The following UBAP1 variants were observed in gnomAD, a reference collection of about 807,000 sequenced individuals.
The protein encoded by UBAP1 is ubiquitin-associated protein 1.
A neutral mutation model predicts 39.0 loss-of-function variants in UBAP1; 5 were observed. The ratio of observed to expected loss-of-function variants is 0.13; its 90% confidence interval spans 0.07 to 0.27. UBAP1 has a LOEUF of 0.27. Ranked by LOEUF, UBAP1 falls within the 10% of genes least tolerant of loss-of-function variation. The pLI is 1.00. For missense variants in UBAP1, 490 were observed against 608.1 expected, an observed-to-expected ratio of 0.81 and a Z score of 2.04; for synonymous variants, 211 against 225.1, an observed-to-expected ratio of 0.94 and a Z score of 0.56.
chr9:34,241,939 C>A lies in UBAP1; in HGVS notation c.914C>A (p.Ser305Tyr). The change falls in exon 4 of 7, where the codon TCC becomes TAC. Residue 305 changes from serine (S) to tyrosine (Y), a missense_variant. Ser to Tyr is a moderately radical substitution (Grantham distance 144, BLOSUM62 -2). Around this residue, in one of 3 missense-constraint regions of UBAP1, gnomAD observed 339 missense variants for 390.0 expected, o/e 0.87. Transcript: ENST00000297661. ...NGTFQNSLKP[S>Y]TQSSASELNG... is the part of the protein sequence containing the mutation. ...ACGTTCCAGAATTCCCTAAAGCCTT[C>A]CACCCAAAGCAGTGCCAGTGAGCTC... 1 of 1,614,188 alleles carries A rather than the reference C, an allele frequency of 6.2e-7. No homozygotes were observed. The highest frequency in any genetic ancestry group is 8.5e-7 in the Non-Finnish European group (1 of 1,180,032).
At chr9:34,179,804 C>G (rs191246698) in intron 1 of UBAP1, among the ~76,000 whole-genome samples, 2 of 152,132 alleles carry the variant, frequency 1.3e-5, no homozygotes, top group African/African-American at 2.4e-5. Context: ...CTATACAGTC[C>G]ACCTGGGCCT....
At chr9:34,230,380 A>T (rs1238926941) in intron 2 of UBAP1, among the ~76,000 whole-genome samples, 4 of 152,190 alleles carry the variant, frequency 2.6e-5, no homozygotes, top group Admixed American at 2.6e-4. Context: ...AGTTATTATT[A>T]ATGTGGATAG....
chr9:34,213,700 G>A (rs1832141841), intron 1 of UBAP1, among the ~76,000 whole-genome samples: 1 of 152,162 alleles, frequency 6.6e-6, no homozygotes, highest in African/African-American at 2.4e-5. Flanking sequence ...GAAAGAAAGG[G>A]CATCCAAACT....
In UBAP1 at chr9:34,202,624, C is replaced by T. The variant is rs969954842; in HGVS notation, c.-7-18284C>T. On this transcript the variant is annotated intron_variant, in intron 1 of 6. Coordinates refer to ENST00000297661, the MANE Select transcript of UBAP1 (RefSeq NM_016525.5). ...ATGGGCCAGAAGCTGTAGACAGAAA[C>T]GTGTGTGTGTGTGTGTGTGTGTGTG... Among the ~76,000 whole-genome samples, 6 of 107,326 alleles carry T rather than the reference C, an allele frequency of 5.6e-5. 1 individual carries two copies. Among genetic ancestry groups the T allele is most frequent in the East Asian group, 6.3e-4 (2 of 3,190 alleles). The allele number at this position is 107,326 out of a possible 152,430, so 70.4% of individuals were successfully genotyped here.
chr9:34,197,116 C>T (rs1225461950), intron 1 of UBAP1, among the ~76,000 whole-genome samples: 14 of 151,702 alleles, frequency 9.2e-5, no homozygotes, highest in African/African-American at 2.7e-4. Context: ...TTAGTAGAGA[C>T]GGGGTTTCAC....
In UBAP1 at chr9:34,198,377, C is replaced by T. The variant is rs144334057; in HGVS notation, c.-8+19137C>T. On this transcript the variant is annotated intron_variant, in intron 1 of 6. Coordinates refer to ENST00000297661, the MANE Select transcript of UBAP1 (RefSeq NM_016525.5). ...CTGCTGGCCCTGCTCCAAGGTTAGACGGGTTCTGTGGCCGGGCTGCCTGGT... is the reference window on the plus strand; with the variant it reads ...CTGCTGGCCCTGCTCCAAGGTTAGATGGGTTCTGTGGCCGGGCTGCCTGGT... Among the ~76,000 whole-genome samples the T allele has an allele frequency of 1.2e-3, 189 of 152,262 alleles. 2 individuals are homozygous for T. The South Asian group carries it at 0.013, about 10-fold the overall frequency.
intron 1 of UBAP1, among the ~76,000 whole-genome samples, chr9:34,210,443 G>T (rs938219446): frequency 1.3e-5 from 2 of 152,148 alleles, no homozygotes; most frequent in African/African-American, 4.8e-5. Flanking sequence ...TTCTGGCCAG[G>T]TGCGGTGGCT....
intron 4 of UBAP1, among the ~76,000 whole-genome samples, chr9:34,244,047 A>G (rs1041585090): frequency 6.7e-6 from 1 of 150,074 alleles, no homozygotes; most frequent in Non-Finnish European, 1.5e-5. Flanking sequence ...ACGGGGTTTC[A>G]CCATCTTGGC....
intron 1 of UBAP1, among the ~76,000 whole-genome samples, chr9:34,188,240 A>G (rs939965115): frequency 2.0e-5 from 3 of 152,112 alleles, no homozygotes; most frequent in African/African-American, 7.2e-5. Context: ...TACCTTTGAC[A>G]TTTATGAAAG....
Position 34,248,773 on chromosome 9 carries a change from C to T in UBAP1, c.1084-1006C>T, listed in dbSNP as rs542940359. 6.6e-5 allele frequency among the ~76,000 whole-genome samples: 10 copies of T among 152,318 alleles called. No homozygotes were observed. The South Asian group carries it at 1.9e-3, about 28-fold the overall frequency. On this transcript the variant is annotated intron_variant, in intron 4 of 6. Coordinates refer to ENST00000297661, the MANE Select transcript of UBAP1 (RefSeq NM_016525.5). Reference sequence around the variant, plus strand: ...CATCTGTATAATTTCGAACTTGCTTCTAGGACAGAGGGCTTCCTACCACCT... The same window carrying T: ...CATCTGTATAATTTCGAACTTGCTTTTAGGACAGAGGGCTTCCTACCACCT...
At chr9:34,207,960 G>T (rs1831805119) in intron 1 of UBAP1, among the ~76,000 whole-genome samples, 1 of 152,140 alleles carries the variant, frequency 6.6e-6, no homozygotes, top group South Asian at 2.1e-4. Context: ...GATAATAATG[G>T]ATATCTTTGT....
At chr9:34,184,918 A>C (rs900021655) in intron 1 of UBAP1, among the ~76,000 whole-genome samples, 3 of 136,336 alleles carry the variant, frequency 2.2e-5, no homozygotes. Context: ...CACCGCGCCC[A>C]GCCAATCCTT....
At chr9:34,219,532 A>G (rs1451126476) in intron 1 of UBAP1, among the ~76,000 whole-genome samples, 1 of 152,214 alleles carries the variant, frequency 6.6e-6, no homozygotes, top group Non-Finnish European at 1.5e-5. Flanking sequence ...TTTTTTATGT[A>G]CAAGTTGAGT....
At chr9:34,208,184 T>G (rs981850070) in intron 1 of UBAP1, among the ~76,000 whole-genome samples, 5 of 152,240 alleles carry the variant, frequency 3.3e-5, no homozygotes, top group Non-Finnish European at 5.9e-5. Context: ...TGGACATGGT[T>G]TATTCCTAAA....
intron 1 of UBAP1, among the ~76,000 whole-genome samples, chr9:34,214,123 C>A (rs1832167424): frequency 1.3e-5 from 2 of 151,914 alleles, no homozygotes; most frequent in South Asian, 4.2e-4. Context: ...TCAATGTAAT[C>A]CCCATCAAAA....
At chr9:34,182,681 TTCTCTC>T (rs1437312393) in intron 1 of UBAP1, among the ~76,000 whole-genome samples, 17 of 115,476 alleles carry the variant, frequency 1.5e-4, no homozygotes, top group Non-Finnish European at 2.4e-4. Flanking sequence ...CTTTCTTTCT[TTCTCTC>T]TCTCTTTCTT....
rs1392721601 is a variant in UBAP1, at chr9:34,194,321, T to C, written c.-8+15081T>C. Among the ~76,000 whole-genome samples the C allele has an allele frequency of 1.1e-4, 16 of 147,474 alleles. 1 individual carries two copies. Among genetic ancestry groups the C allele is most frequent in the South Asian group, 4.2e-4 (2 of 4,754 alleles). On this transcript the variant is annotated intron_variant, in intron 1 of 6. Transcript: ENST00000297661. ...GTATAAAAAGAAAAATTCTCTCTCT[T>C]TTTTTTTTTTTGAGATGGAGTCTCG...
chr9:34,246,397 T>G (rs910532091), intron 4 of UBAP1, among the ~76,000 whole-genome samples: 3 of 152,256 alleles, frequency 2.0e-5, no homozygotes, highest in African/African-American at 7.2e-5. Flanking sequence ...TAGTGGGCTT[T>G]TGGGAAGAAG....
At chr9:34,217,710 G>A (rs891229333) in intron 1 of UBAP1, among the ~76,000 whole-genome samples, 6 of 140,532 alleles carry the variant, frequency 4.3e-5, no homozygotes, top group Non-Finnish European at 9.1e-5. Flanking sequence ...TTGTCTTTCT[G>A]TGTCTGGCTT....
Sources: allele counts gnomAD v4.1 joint callset (sites outside exome capture counted in the v4.1 genomes callset), GRCh38; gene constraint gnomAD v4.1.1; regional missense constraint gnomAD v4.1.1; transcripts MANE v1.5; gene names NCBI Gene and HGNC (gene_info 2026-07-23, HGNC 2026-07-21).